The following ERCC8 variants were observed in gnomAD, a reference collection of about 807,000 sequenced individuals.
ERCC8 encodes ERCC excision repair 8, CSA ubiquitin ligase complex subunit.
Under a neutral mutation model 54.9 loss-of-function variants are expected in ERCC8, and 52 were observed. The ratio of observed to expected loss-of-function variants is 0.95; its 90% confidence interval spans 0.76 to 1.19. The LOEUF is 1.19. Among genes scored for constraint, ERCC8 ranks in the 50% most tolerant of loss-of-function variants. The pLI, the probability that ERCC8 is intolerant of heterozygous loss-of-function variation, is 0.00. For synonymous variants in ERCC8, 146 were observed against 157.2 expected (o/e 0.93, Z 0.53); for missense variants, 514 against 466.1 (o/e 1.10, Z -0.95).
Position 60,902,422 on chromosome 5 carries a change from G to C in ERCC8, c.617+20C>G. ...TTATTATTAATTACTAACTTCAAAA[G>C]CAAATAAGTTAAATTTTACCTTGCT... On this transcript the variant is annotated intron_variant, in intron 7 of 11. Transcript: ENST00000676185. 6.3e-7 allele frequency: 1 copy of C among 1,582,692 alleles called. No homozygotes were observed. Among genetic ancestry groups the C allele is most frequent in the Non-Finnish European group, 8.7e-7 (1 of 1,152,280 alleles).
rs1220446734 is a variant in ERCC8 at position 60,891,048 on chromosome 5, T to A, written c.882A>T (p.Gly294=). ...AGCCACAGGAGACAGTGAATTTCAA[T>A]CCTTTTTTACTGTTATTACAAACTT... ...YGKVCNNSKK[G]LKFTVSCGCS... Residue 294 remains glycine (G), a synonymous_variant, in exon 10 of 12, where the codon GGA becomes GGT. Transcript: ENST00000676185. 1 of 1,612,990 alleles carries A rather than the reference T, an allele frequency of 6.2e-7. No individual in the cohort carries two copies. The highest frequency in any genetic ancestry group is 8.5e-7 in the Non-Finnish European group (1 of 1,179,754).
intron 1 of ERCC8, among the ~76,000 whole-genome samples, chr5:60,939,909 C>T (rs908581382): frequency 1.3e-5 from 2 of 152,114 alleles, no homozygotes; most frequent in East Asian, 1.9e-4. Flanking sequence ...TTCTTCATTG[C>T]TAGATAAATT....
chr5:60,879,670 A>T (rs1055642202), intron 11 of ERCC8, among the ~76,000 whole-genome samples: 1 of 152,148 alleles, frequency 6.6e-6, no homozygotes, highest in African/African-American at 2.4e-5. Flanking sequence ...CTGTTTTATC[A>T]GAGACTAGGA....
chr5:60,879,282 C>G (rs1414582911), intron 11 of ERCC8, among the ~76,000 whole-genome samples: 1 of 152,206 alleles, frequency 6.6e-6, no homozygotes, highest in Non-Finnish European at 1.5e-5. Flanking sequence ...GAGAGCTTTA[C>G]TTCCAACTAT....
intron 11 of ERCC8, among the ~76,000 whole-genome samples, chr5:60,885,786 T>A: frequency 6.6e-6 from 1 of 152,098 alleles, no homozygotes; most frequent in East Asian, 1.9e-4. Flanking sequence ...CAGTTGAAAA[T>A]TTAGGTATGA....
At chr5:60,897,057 C>T (rs980002029) in intron 9 of ERCC8, among the ~76,000 whole-genome samples, 4 of 152,156 alleles carry the variant, frequency 2.6e-5, no homozygotes, top group Admixed American at 6.5e-5. Context: ...CATATTCCAA[C>T]GCAAGAACCT....
chr5:60,891,554 A>G (rs889157668), intron 9 of ERCC8, among the ~76,000 whole-genome samples: 1 of 151,466 alleles, frequency 6.6e-6, no homozygotes, highest in Non-Finnish European at 1.5e-5. Context: ...TCAAAAGACT[A>G]CCCCACCAAG....
intron 8 of ERCC8, among the ~76,000 whole-genome samples, chr5:60,899,391 A>G (rs1748808698): frequency 6.6e-6 from 1 of 152,052 alleles, no homozygotes; most frequent in Non-Finnish European, 1.5e-5. Context: ...ATTCACAAAA[A>G]TTTCTACTTT....
At chr5:60,914,526 C>T (rs1456954859) in intron 4 of ERCC8, among the ~76,000 whole-genome samples, 2 of 151,806 alleles carry the variant, frequency 1.3e-5, no homozygotes, top group Non-Finnish European at 1.5e-5. Flanking sequence ...CACAGTGGCT[C>T]ATGCTTGTAA....
At chr5:60,922,953 T>C (rs1241194165) in intron 2 of ERCC8, among the ~76,000 whole-genome samples, 3 of 152,160 alleles carry the variant, frequency 2.0e-5, no homozygotes, top group Admixed American at 1.3e-4. Context: ...TAAGCTGGTA[T>C]GTGAAGGATG....
At chr5:60,878,664 T>C (rs1748097810) in intron 11 of ERCC8, among the ~76,000 whole-genome samples, 1 of 152,194 alleles carries the variant, frequency 6.6e-6, no homozygotes, top group Non-Finnish European at 1.5e-5. Flanking sequence ...TGCATAGAGG[T>C]GTTTATAGTA....
intron 4 of ERCC8, among the ~76,000 whole-genome samples, chr5:60,905,588 G>C (rs1749048556): frequency 6.6e-6 from 1 of 152,198 alleles, no homozygotes. Context: ...TTAAAAGTCA[G>C]ATGGTAAATA....
Position 60,923,559 on chromosome 5 carries a change from C to A in ERCC8, c.174-1404G>T, listed in dbSNP as rs144255695. 8.9e-4 allele frequency among the ~76,000 whole-genome samples: 135 copies of A among 152,134 alleles called. 1 individual carries two copies. Among genetic ancestry groups the A allele is most frequent in the African/African-American group, 3.2e-3 (131 of 41,538 alleles). ...GTATATGATAAGTTCAGAGAAAATT[C>A]TGCAAAATGGAGGATATTCTTGAAA... On this transcript the variant is annotated intron_variant, in intron 2 of 11. Transcript: ENST00000676185.
intron 2 of ERCC8, among the ~76,000 whole-genome samples, chr5:60,923,352 C>T (rs1255754573): frequency 6.6e-6 from 1 of 151,966 alleles, no homozygotes; most frequent in Non-Finnish European, 1.5e-5. Context: ...AGTTTCTTAA[C>T]CATATTTGTC....
In ERCC8 at chr5:60,880,122, C is replaced by T. The variant is rs574479478; in HGVS notation, c.1123-5439G>A. Among the ~76,000 whole-genome samples the T allele has an allele frequency of 9.3e-4, 142 of 152,070 alleles. 2 individuals carry two copies. In the Middle Eastern group the frequency reaches 0.02, roughly 22 times the overall value. ...AAGGATTTTATTTCTCCTTCACTTA[C>T]GAAGCTTAGTTTGGCTGGATATGAA... On this transcript the variant is annotated intron_variant, in intron 11 of 11. Transcript: ENST00000676185.
intron 1 of ERCC8, among the ~76,000 whole-genome samples, chr5:60,930,347 A>G (rs1749871881): frequency 2.0e-5 from 3 of 152,192 alleles, no homozygotes; most frequent in Admixed American, 6.5e-5. Context: ...TCACAAGGTT[A>G]CAAGATTGAG....
At chr5:60,944,310 C>G (rs1164527887) in intron 1 of ERCC8, among the ~76,000 whole-genome samples, 1 of 152,148 alleles carries the variant, frequency 6.6e-6, no homozygotes, top group Non-Finnish European at 1.5e-5. Flanking sequence ...CAACAGTTAC[C>G]TAACTTGGCT....
intron 9 of ERCC8, chr5:60,893,090 C>T (rs547133603): frequency 3.9e-6 from 3 of 774,978 alleles, no homozygotes; most frequent in African/African-American, 3.4e-5. Flanking sequence ...TTTTCAAGAC[C>T]AGGACCAGCT....
chr5:60,893,991 T>C (rs1312647336), intron 9 of ERCC8, among the ~76,000 whole-genome samples: 4 of 150,526 alleles, frequency 2.7e-5, no homozygotes, highest in African/African-American at 4.9e-5. Flanking sequence ...TATCTTTTTT[T>C]TTTTTTTTTT....
Sources: gnomAD v4.1 joint callset for allele counts (sites outside exome capture counted in the v4.1 genomes callset) on GRCh38, gnomAD v4.1.1 for gene constraint, MANE v1.5 for transcripts, NCBI Gene and HGNC (gene_info 2026-07-23, HGNC 2026-07-21) for gene names.